The following ARHGEF37 variants were observed in gnomAD, a reference collection of about 807,000 sequenced individuals.
ARHGEF37 encodes Rho guanine nucleotide exchange factor 37, also known as Rho guanine nucleotide exchange factor (GEF) 37.
Under a neutral mutation model 71.1 loss-of-function variants are expected in ARHGEF37, and 55 were observed. The ratio of observed to expected loss-of-function variants is 0.77; its 90% CI spans 0.62 to 0.97. The LOEUF (loss-of-function observed/expected upper bound fraction) is 0.97. ARHGEF37 is among the 50% of genes least tolerant of loss of function. ARHGEF37 has a pLI of 0.00. For synonymous variants in ARHGEF37, 327 were observed against 350.6 expected (o/e 0.93, Z 0.75); for missense variants, 765 against 836.8 (o/e 0.91, Z 1.06).
At chr5:149,582,719 T>C (rs1394779243) in intron 1 of ARHGEF37, among the ~76,000 whole-genome samples, 1 of 152,166 alleles carries the variant, frequency 6.6e-6, no homozygotes, top group Non-Finnish European at 1.5e-5. Context: ...GATTTGATCT[T>C]TATAAATATA....
intron 5 of ARHGEF37, 119 bp downstream of exon 5, chr5:149,616,885 A>G: frequency 9.4e-7 from 1 of 1,069,502 alleles, no homozygotes; most frequent in Non-Finnish European, 1.3e-6. Flanking sequence ...CTATAAATCC[A>G]GAGGTAATGC....
At chr5:149,559,576 T>C (rs2113231203) in intron 1 of ARHGEF37, among the ~76,000 whole-genome samples, 1 of 152,332 alleles carries the variant, frequency 6.6e-6, no homozygotes, top group African/African-American at 2.4e-5. Flanking sequence ...TGTAGCTAAA[T>C]CTTTGCTGGC....
At chr5:149,578,471 C>T (rs956469940), upstream of ARHGEF37, among the ~76,000 whole-genome samples, 9 of 152,116 alleles carry the variant, frequency 5.9e-5, no homozygotes, top group Non-Finnish European at 1.2e-4. Flanking sequence ...CACCCTAATC[C>T]ACCTCTTTGC....
upstream of ARHGEF37, among the ~76,000 whole-genome samples, chr5:149,576,670 C>A (rs1580886732): frequency 1.3e-5 from 2 of 152,218 alleles, no homozygotes; most frequent in East Asian, 3.9e-4. Context: ...AGATTGATAT[C>A]TCAGGGCCGT....
In ARHGEF37 at chr5:149,601,229, T is replaced by C; in HGVS notation, c.308T>C (p.Val103Ala). Residue 103 changes from valine (V) to alanine (A), a missense_variant and splice_region_variant, in exon 3 of 13, where the codon GTT (valine) becomes GCT (alanine). This residue lies in a region of ARHGEF37 where 201 missense variants were observed against 217.5 expected (regional missense o/e 0.92). Transcript: ENST00000333677. ...ASKEEEQVQL[V>A]GNIFLEFQEE... ...AAGGAAGAGGAACAAGTGCAGCTAG[T>C]TGGTAAGCAAAAAACCTAAGGAGTT... 6.2e-7 allele frequency: 1 copy of C among 1,610,908 alleles called. No individual in the cohort carries two copies.
At chr5:149,574,741 A>ATTT (rs1763007415) in intron 1 of ARHGEF37, among the ~76,000 whole-genome samples, 1 of 152,174 alleles carries the variant, frequency 6.6e-6, no homozygotes, top group South Asian at 2.1e-4. Flanking sequence ...CGTCCACCTG[A>ATTT]CTATCCAAGA....
chr5:149,599,991 G>T (rs1413667378), intron 2 of ARHGEF37, among the ~76,000 whole-genome samples: 3 of 152,166 alleles, frequency 2.0e-5, no homozygotes, highest in African/African-American at 7.2e-5. Flanking sequence ...TGCATAGTGA[G>T]GCAATTTCAT....
chr5:149,577,173 T>G (rs143060551), upstream of ARHGEF37, among the ~76,000 whole-genome samples: 637 of 152,304 alleles, frequency 4.2e-3, 11 homozygotes, highest in African/African-American at 0.014. Context: ...TGAGCCTCAA[T>G]TTCATCATCT....
intron 1 of ARHGEF37, among the ~76,000 whole-genome samples, chr5:149,564,639 A>C (rs1008153985): frequency 4.6e-5 from 7 of 152,136 alleles, no homozygotes; most frequent in African/African-American, 1.7e-4. Context: ...AGCCTGACCA[A>C]CATGGAGAAA....
Position 149,609,079 on chromosome 5 carries a change from G to A in ARHGEF37, c.311-469G>A, listed in dbSNP as rs918135650. Among the ~76,000 whole-genome samples the A allele has an allele frequency of 3.3e-5, 5 of 152,202 alleles. No homozygotes were observed. The East Asian group carries it at 9.7e-4, about 29-fold the overall frequency. The stretch of plus-strand genomic sequence containing the variant: ...ATGAGCCTGTAATCCCAGCTACTCA[G>A]GAGGCTGAGGCAGAGAATGGCATGA... On this transcript the variant is annotated intron_variant, in intron 3 of 12. Coordinates refer to ENST00000333677, the MANE Select transcript of ARHGEF37 (RefSeq NM_001001669.3).
At position 149,601,245 on chromosome 5, in the gene ARHGEF37, C is replaced by T; in HGVS notation, c.310+14C>T. The T allele has an allele frequency of 1.4e-5, 22 of 1,607,720 alleles. No individual in the cohort carries two copies. The highest frequency in any genetic ancestry group is 2.2e-5 in the East Asian group (1 of 44,688). ...TGCAGCTAGTTGGTAAGCAAAAAAC[C>T]TAAGGAGTTGTCAGCCTTAGATTCT... On this transcript the variant is annotated intron_variant, in intron 3 of 12. Coordinates refer to ENST00000333677, the MANE Select transcript of ARHGEF37 (RefSeq NM_001001669.3).
At chr5:149,590,970 A>C (rs1420553917) in intron 1 of ARHGEF37, among the ~76,000 whole-genome samples, 1 of 152,258 alleles carries the variant, frequency 6.6e-6, no homozygotes, top group African/African-American at 2.4e-5. Flanking sequence ...TATTATACCA[A>C]TGCCCATTTC....
At chr5:149,592,970 A>G (rs1580899486) in intron 1 of ARHGEF37, among the ~76,000 whole-genome samples, 1 of 152,058 alleles carries the variant, frequency 6.6e-6, no homozygotes, top group Non-Finnish European at 1.5e-5. Context: ...GGGTTTTGCC[A>G]TGTTGGTCAG....
At chr5:149,602,205 C>T (rs11959620) in intron 3 of ARHGEF37, among the ~76,000 whole-genome samples, 11,535 of 151,750 alleles carry the variant, frequency 0.076, 1,466 homozygotes, top group African/African-American at 0.26. Context: ...TACAAGCGTG[C>T]GCCACCATGC....
At chr5:149,557,084 T>G (rs1288231930) in intron 1 of ARHGEF37, among the ~76,000 whole-genome samples, 2 of 152,190 alleles carry the variant, frequency 1.3e-5, no homozygotes, top group Non-Finnish European at 1.5e-5. Context: ...GCTAGGTCTG[T>G]GCAAAAGTAC....
chr5:149,592,450 A>C (rs1039922712), intron 1 of ARHGEF37, among the ~76,000 whole-genome samples: 1 of 152,200 alleles, frequency 6.6e-6, no homozygotes, highest in Non-Finnish European at 1.5e-5. Flanking sequence ...CTCGAGAGCC[A>C]TCCAAGCTGT....
rs769954178 is a variant in ARHGEF37, at chr5:149,631,994, T to C, written c.1831T>C (p.Tyr611His). Residue 611 changes from tyrosine to histidine, a missense_variant, in exon 13 of 13, where the codon TAC (tyrosine) becomes CAC (histidine). Transcript: ENST00000333677. ...IPTMNQVIAAYPFVARSSHEV... is the reference protein window; with the variant it reads ...IPTMNQVIAAHPFVARSSHEV... Reference sequence around the variant, plus strand: ...CCATGTGTTTCAGGTCATAGCCGCGTACCCTTTTGTGGCCAGAAGCAGCCA... The same window carrying C: ...CCATGTGTTTCAGGTCATAGCCGCGCACCCTTTTGTGGCCAGAAGCAGCCA... The C allele has an allele frequency of 3.1e-6, 5 of 1,614,124 alleles. No individual in the cohort carries two copies. The highest frequency in any genetic ancestry group is 2.2e-5 in the South Asian group (2 of 91,084).
chr5:149,584,485 T>G (rs1346324669), intron 1 of ARHGEF37, among the ~76,000 whole-genome samples: 1 of 152,226 alleles, frequency 6.6e-6, no homozygotes, highest in East Asian at 1.9e-4. Context: ...GTAAGCACAG[T>G]GACTTGGAAA....
chr5:149,608,020 G>A (rs1763965428), intron 3 of ARHGEF37, among the ~76,000 whole-genome samples: 2 of 151,910 alleles, frequency 1.3e-5, no homozygotes, highest in Non-Finnish European at 2.9e-5. Flanking sequence ...CACCCATCTG[G>A]GCCTCCCACA....
Sources: allele counts gnomAD v4.1 joint callset (sites outside exome capture counted in the v4.1 genomes callset), GRCh38; gene constraint gnomAD v4.1.1; regional missense constraint gnomAD v4.1.1; transcripts MANE v1.5; gene names NCBI Gene and HGNC (gene_info 2026-07-23, HGNC 2026-07-21).